Variants in UBE3A observed in about 807,000 individuals in gnomAD.
The protein encoded by UBE3A is ubiquitin-protein ligase E3A.
Under a neutral mutation model 83.4 loss-of-function variants are expected in UBE3A, and 6 were observed. The observed-to-expected ratio is 0.07, with a 90% CI of 0.04 to 0.14. The LOEUF (loss-of-function observed/expected upper bound fraction) is 0.14. Ranked by LOEUF, UBE3A falls within the 10% of genes least tolerant of loss-of-function variation. UBE3A has a pLI of 1.00. For synonymous variants in UBE3A, 337 were observed against 355.4 expected (o/e 0.95, Z 0.58); for missense variants, 456 against 1,036.1 (o/e 0.44, Z 7.69).
intron 4 of UBE3A, among the ~76,000 whole-genome samples, chr15:25,396,094 C>T (rs1003783036): frequency 6.6e-6 from 1 of 151,456 alleles, no homozygotes; most frequent in Non-Finnish European, 1.5e-5. Context: ...CTCAGCTACT[C>T]GGGTGGCTGA....
intron 11 of UBE3A, among the ~76,000 whole-genome samples, chr15:25,351,173 T>TATATG (rs1302032542): frequency 6.6e-6 from 1 of 152,210 alleles, no homozygotes; most frequent in African/African-American, 2.4e-5. Context: ...AGCATTATCG[T>TATATG]ATATGATATG....
chr15:25,397,884 A>T (rs2085945809), intron 4 of UBE3A, among the ~76,000 whole-genome samples: 1 of 152,014 alleles, frequency 6.6e-6, no homozygotes, highest in Non-Finnish European at 1.5e-5. Context: ...TGCCTTTCTA[A>T]ATTTGAGACA....
chr15:25,413,866 T>A (rs572606772), intron 1 of UBE3A, among the ~76,000 whole-genome samples: 65 of 152,278 alleles, frequency 4.3e-4, no homozygotes, highest in Non-Finnish European at 7.2e-4. Context: ...TAATGTTGTA[T>A]CCACTCATTT....
chr15:25,401,606 CT>C (rs1286127125), intron 4 of UBE3A, among the ~76,000 whole-genome samples: 1 of 152,074 alleles, frequency 6.6e-6, no homozygotes, highest in African/African-American at 2.4e-5. Flanking sequence ...TCTTATGATC[CT>C]CTTATTTCTT....
intron 11 of UBE3A, among the ~76,000 whole-genome samples, chr15:25,349,760 C>A (rs1303210221): frequency 6.6e-6 from 1 of 152,170 alleles, no homozygotes; most frequent in African/African-American, 2.4e-5. Context: ...TCCAACATCA[C>A]TGCTCTTGTG....
chr15:25,340,866 G>A (rs67234848), intron 11 of UBE3A, among the ~76,000 whole-genome samples: 17,373 of 152,080 alleles, frequency 0.11, 1,056 homozygotes, highest in Middle Eastern at 0.23. Flanking sequence ...GAATTATTCT[G>A]ACATTTCTGC....
chr15:25,394,719 T>C (rs1255524816), intron 4 of UBE3A, among the ~76,000 whole-genome samples: 1 of 152,194 alleles, frequency 6.6e-6, no homozygotes, highest in African/African-American at 2.4e-5. Context: ...GCTGTGTACA[T>C]ACTTATCAGT....
At chr15:25,438,122 C>A (rs1895707122) in intron 1 of UBE3A, 1 of 152,318 alleles carries the variant, frequency 6.6e-6, no homozygotes, top group Non-Finnish European at 1.5e-5. Context: ...AAGGGCTCCC[C>A]TTTGAAGGAA....
At chr15:25,360,988 A>G (rs2077976913) in intron 6 of UBE3A, among the ~76,000 whole-genome samples, 1 of 152,178 alleles carries the variant, frequency 6.6e-6, no homozygotes, top group Non-Finnish European at 1.5e-5. Context: ...TAAGAAAAAT[A>G]CACTGAATAC....
chr15:25,416,785 G>A (rs1341937012), intron 1 of UBE3A, among the ~76,000 whole-genome samples: 1 of 152,062 alleles, frequency 6.6e-6, no homozygotes, highest in East Asian at 1.9e-4. Context: ...TCAGACCTTG[G>A]ATAACAGGCA....
intron 6 of UBE3A, among the ~76,000 whole-genome samples, chr15:25,367,224 C>CATATTTGTAAATATGTAAATATGTAA (rs1566941162): frequency 1.6e-4 from 13 of 81,318 alleles, no homozygotes; most frequent in Non-Finnish European, 1.4e-4. Flanking sequence ...TAAATATTTA[C>CATATTTGTAAATATGTAAATATGTAA]ATATTTGTAA....
chr15:25,407,181 G>C (rs779742078), intron 3 of UBE3A: 2 of 1,340,434 alleles, frequency 1.5e-6, no homozygotes, highest in Non-Finnish European at 2.0e-6. Flanking sequence ...ACTCATTTTT[G>C]AAAGTGCGAC....
At chr15:25,435,501 G>T (rs1006320300) in intron 1 of UBE3A, among the ~76,000 whole-genome samples, 2 of 152,144 alleles carry the variant, frequency 1.3e-5, no homozygotes, top group Admixed American at 6.5e-5. Context: ...AAGAGGTGGG[G>T]CCTTTGGGAA....
chr15:25,378,383 T>A (rs2152869718), intron 4 of UBE3A, among the ~76,000 whole-genome samples: 1 of 152,258 alleles, frequency 6.6e-6, no homozygotes, highest in South Asian at 2.1e-4. Flanking sequence ...GGGCCTCAGT[T>A]TTCCCAGCTT....
intron 1 of UBE3A, among the ~76,000 whole-genome samples, chr15:25,435,194 G>A (rs1179487757): frequency 2.7e-5 from 4 of 147,086 alleles, no homozygotes; most frequent in Admixed American, 2.7e-4. Flanking sequence ...GATTGGAAGG[G>A]CATGGGAAAA....
Position 25,371,898 on chromosome 15 carries a change from C to A in UBE3A, c.362-86G>T. ...GCAAAAAGTTCTAAAAGTAAAACAG[C>A]CAAACATTCTAGGCTCAATATCATT... On this transcript the variant is annotated intron_variant, in intron 5 of 12. Transcript: ENST00000648336. This position sits in a 1 kb window ranked among gnomAD's most constrained non-coding sequence, Gnocchi z 5.3. The A allele has an allele frequency of 2.3e-6, 3 of 1,295,150 alleles. No individual in the cohort carries two copies. The highest frequency in any genetic ancestry group is 1.4e-5 in the South Asian group (1 of 73,322). 80.2% of individuals were successfully genotyped at this position (1,295,150 alleles called of 1,614,324 possible). A position where few individuals can be genotyped will look rare whatever the true frequency, so the allele number is the denominator to read the frequency against.
chr15:25,426,136 T>G (rs1463427111), intron 1 of UBE3A, among the ~76,000 whole-genome samples: 2 of 151,982 alleles, frequency 1.3e-5, no homozygotes, highest in Non-Finnish European at 2.9e-5. Flanking sequence ...CATTAAAATA[T>G]TTACTTAAGT....
chr15:25,366,740 T>C (rs1357938766), intron 6 of UBE3A, among the ~76,000 whole-genome samples: 3 of 151,996 alleles, frequency 2.0e-5, no homozygotes, highest in Admixed American at 2.0e-4. Context: ...ATGGCCTTTC[T>C]CTTTCTCTCT....
At chr15:25,410,138 TATA>T (rs2089659740) in intron 2 of UBE3A, among the ~76,000 whole-genome samples, 1 of 151,722 alleles carries the variant, frequency 6.6e-6, no homozygotes, top group African/African-American at 2.4e-5. Context: ...AAACTTAAAG[TATA>T]ATAATAATAA....
Sources: gnomAD v4.1 joint callset for allele counts (sites outside exome capture counted in the v4.1 genomes callset) on GRCh38, gnomAD v4.1.1 for gene constraint, Gnocchi (gnomAD v3.1) non-coding constraint, MANE v1.5 for transcripts, NCBI Gene and HGNC (gene_info 2026-07-23, HGNC 2026-07-21) for gene names.